ARHGAP12: variants seen among roughly 807,000 people sequenced by gnomAD.
ARHGAP12 encodes Rho GTPase activating protein 12.
In ARHGAP12, 64 loss-of-function variants were observed where a neutral mutation model predicts 108.6. The observed-to-expected ratio is 0.59, with a 90% CI of 0.48 to 0.73. The LOEUF is 0.73. Ranked by LOEUF, ARHGAP12 falls within the 30% of genes least tolerant of loss-of-function variation. The pLI, the probability that ARHGAP12 is intolerant of heterozygous loss-of-function variation, is 0.00. For missense variants in ARHGAP12, 940 were observed against 1,005.9 expected (o/e 0.93, Z 0.89); for synonymous variants, 312 against 337.2 (o/e 0.93, Z 0.82).
intron 11 of ARHGAP12, among the ~76,000 whole-genome samples, chr10:31,822,263 C>G (rs1326129743): frequency 6.6e-6 from 1 of 152,182 alleles, no homozygotes; most frequent in Non-Finnish European, 1.5e-5. Flanking sequence ...GAAACAGGAT[C>G]AGACTTTACA....
At chr10:31,913,658 C>G (rs1392907858) in intron 1 of ARHGAP12, 1 of 132,738 alleles carries the variant, frequency 7.5e-6, no homozygotes, top group East Asian at 2.2e-4. Context: ...CACGAGTCAT[C>G]AAGGCTGAAA....
chr10:31,863,977 T>C (rs917989481), intron 3 of ARHGAP12, among the ~76,000 whole-genome samples: 14 of 152,254 alleles, frequency 9.2e-5, no homozygotes, highest in African/African-American at 3.1e-4. Flanking sequence ...TTATGGTCTA[T>C]AAGGTTAACA....
intron 12 of ARHGAP12, among the ~76,000 whole-genome samples, chr10:31,818,581 TA>T (rs1164177700): frequency 2.0e-5 from 3 of 152,182 alleles, no homozygotes; most frequent in African/African-American, 7.2e-5. Context: ...ATTTTCCGAT[TA>T]AAAACTGATT....
At chr10:31,927,548 A>C (rs912790247) in intron 1 of ARHGAP12, among the ~76,000 whole-genome samples, 1 of 152,162 alleles carries the variant, frequency 6.6e-6, no homozygotes, top group African/African-American at 2.4e-5. Context: ...ATAGTCGATA[A>C]AATCTACTTC....
chr10:31,926,625 T>C (rs1420413324), intron 1 of ARHGAP12, among the ~76,000 whole-genome samples: 1 of 152,228 alleles, frequency 6.6e-6, no homozygotes, highest in African/African-American at 2.4e-5. Context: ...AGATCACCAC[T>C]ATTTAGTTTT....
At chr10:31,922,701 G>C (rs1839872530) in intron 1 of ARHGAP12, among the ~76,000 whole-genome samples, 1 of 152,078 alleles carries the variant, frequency 6.6e-6, no homozygotes, top group Non-Finnish European at 1.5e-5. Context: ...GGCCCAGGCG[G>C]CTTCACTGGT....
chr10:31,908,100 T>TAG lies in ARHGAP12; in HGVS notation c.684+71_684+72insCT, dbSNP rs1263224400. 2.9e-6 allele frequency: 4 copies of TAG among 1,395,110 alleles called. No homozygotes were observed. The African/African-American group carries it at 5.8e-5, about 20-fold the overall frequency. The allele number at this position is 1,395,110 out of a possible 1,614,324, so 86.4% of individuals were successfully genotyped here. On this transcript the variant is annotated intron_variant, in intron 3 of 19. Coordinates refer to ENST00000344936, the MANE Select transcript of ARHGAP12 (RefSeq NM_018287.7). ...AAACAAGTCTTAACTCTTACAAATATTTCAATTAAAACTATAACTAATATT... is the reference window on the plus strand; with the variant it reads ...AAACAAGTCTTAACTCTTACAAATATAGTTCAATTAAAACTATAACTAATATT...
At chr10:31,909,208 G>T (rs1359107350) in intron 2 of ARHGAP12, among the ~76,000 whole-genome samples, 1 of 152,184 alleles carries the variant, frequency 6.6e-6, no homozygotes, top group Non-Finnish European at 1.5e-5. Context: ...GAGTTGAGAA[G>T]AACTTTCCTT....
In ARHGAP12 at chr10:31,810,719, A is replaced by T. The variant is rs150791219; in HGVS notation, c.1980T>A (p.Asn660Lys). 21 of 1,609,400 alleles carry T rather than the reference A, an allele frequency of 1.3e-5. No individual in the cohort carries two copies. Among genetic ancestry groups the T allele is most frequent in the Admixed American group, 1.7e-5 (1 of 59,112 alleles). Residue 660 changes from asparagine (N) to lysine (K), a missense_variant, in exon 16 of 20, where the codon AAT (asparagine) becomes AAA (lysine). Asn to Lys is a moderately conservative substitution (Grantham distance 94, BLOSUM62 0). Transcript: ENST00000344936. ...CTGTGCCATTCTCTCTCTGACACAG[A>T]TTAGCGAGATTGGATCCAAATACCT... is the stretch of plus-strand genomic sequence containing the variant. ...KDQVFGSNLANLCQRENGTVP... is the reference protein window; with the variant it reads ...KDQVFGSNLAKLCQRENGTVP...
intron 12 of ARHGAP12, among the ~76,000 whole-genome samples, chr10:31,818,170 C>A (rs535042920): frequency 6.6e-6 from 1 of 152,294 alleles, no homozygotes; most frequent in East Asian, 1.9e-4. Context: ...ATAAAACCTG[C>A]TGAAACTAGT....
At chr10:31,843,361 C>T (rs1281370813) in intron 7 of ARHGAP12, 100 bp downstream of exon 7, 1 of 1,268,996 alleles carries the variant, frequency 7.9e-7, no homozygotes, top group Admixed American at 2.6e-5. Flanking sequence ...AATGTTTTAG[C>T]AAAGAATATT....
intron 3 of ARHGAP12, among the ~76,000 whole-genome samples, chr10:31,868,213 C>T (rs1274813774): frequency 6.6e-6 from 1 of 151,058 alleles, no homozygotes; most frequent in Admixed American, 6.6e-5. Context: ...AAAAAATCTG[C>T]ATGATCTGCC....
intron 9 of ARHGAP12, 61 bp from the exon 10 acceptor site, chr10:31,831,861 A>G: frequency 9.8e-7 from 1 of 1,018,456 alleles, no homozygotes; most frequent in East Asian, 2.7e-5. Flanking sequence ...AAGTTCTTAC[A>G]CATGACTGAA....
At chr10:31,829,083 C>T (rs1224961033) in intron 10 of ARHGAP12, among the ~76,000 whole-genome samples, 2 of 151,972 alleles carry the variant, frequency 1.3e-5, no homozygotes, top group Non-Finnish European at 2.9e-5. Flanking sequence ...ATCTGGGAGG[C>T]GGAGGTTGCA....
intron 3 of ARHGAP12, among the ~76,000 whole-genome samples, chr10:31,905,233 A>G (rs1465574899): frequency 6.6e-6 from 1 of 152,164 alleles, no homozygotes; most frequent in Non-Finnish European, 1.5e-5. Context: ...TGATAATTGT[A>G]TAAATTATGT....
At chr10:31,877,175 C>A (rs1300798759) in intron 3 of ARHGAP12, among the ~76,000 whole-genome samples, 5 of 152,140 alleles carry the variant, frequency 3.3e-5, no homozygotes, top group Non-Finnish European at 7.4e-5. Context: ...GACGCTGTTG[C>A]GCATTAGAAT....
intron 9 of ARHGAP12, among the ~76,000 whole-genome samples, chr10:31,836,812 G>A (rs796743493): frequency 1.1e-4 from 17 of 152,246 alleles, no homozygotes; most frequent in Non-Finnish European, 2.2e-4. Context: ...TGTCACAGAG[G>A]GCAGAAACCT....
chr10:31,854,178 C>A lies in ARHGAP12; in HGVS notation c.977G>T (p.Ser326Ile). 6.2e-7 allele frequency: 1 copy of A among 1,609,924 alleles called. No homozygotes were observed. Among genetic ancestry groups the A allele is most frequent in the Non-Finnish European group, 8.5e-7 (1 of 1,178,846 alleles). Residue 326 changes from serine (S) to isoleucine (I), a missense_variant, in exon 5 of 20, where the codon AGC becomes ATC. By Grantham distance (142) the Ser-to-Ile change is moderately radical (BLOSUM62 -2). Transcript: ENST00000344936. ...ACTATCTGACTGGCTGTAAGAAGTG[C>A]TGTAGTAGTTTTCTTCCGATGAAAG... ...ELLSSEENYY[S>I]TSYSQSDSQC...
chr10:31,809,193 T>C, intron 17 of ARHGAP12, 37 bp downstream of exon 17: 2 of 1,612,844 alleles, frequency 1.2e-6, no homozygotes, highest in Non-Finnish European at 1.7e-6. Context: ...AAGTTATGAG[T>C]GATGCATCTG....
Sources: allele counts gnomAD v4.1 joint callset (sites outside exome capture counted in the v4.1 genomes callset), GRCh38; gene constraint gnomAD v4.1.1; transcripts MANE v1.5; gene names NCBI Gene and HGNC (gene_info 2026-07-23, HGNC 2026-07-21).